The following COMMD10 variants were observed in gnomAD, a reference collection of about 807,000 sequenced individuals.
COMMD10 encodes the protein COMM domain-containing protein 10.
In COMMD10, 33 loss-of-function variants were observed where a neutral mutation model predicts 28.9. The observed-to-expected ratio is 1.14, with a 90% CI of 0.87 to 1.53. The LOEUF (loss-of-function observed/expected upper bound fraction) is 1.53, where lower values mean the gene tolerates loss of function less well. COMMD10 is among the 40% of genes most tolerant of loss of function. The pLI, the probability that COMMD10 is intolerant of heterozygous loss-of-function variation, is 0.00. For missense variants in COMMD10, 310 were observed against 233.4 expected (o/e 1.33, Z -2.14); for synonymous variants, 110 against 81.7 (o/e 1.35, Z -1.87).
chr5:116,105,917 A>C (rs962290215), intron 4 of COMMD10, among the ~76,000 whole-genome samples: 1 of 142,686 alleles, frequency 7.0e-6, no homozygotes, highest in African/African-American at 2.8e-5. Context: ...CAGCTCCTGG[A>C]TTCATTGATT....
intron 5 of COMMD10, among the ~76,000 whole-genome samples, chr5:116,271,430 A>C (rs17139314): frequency 0.073 from 11,043 of 150,988 alleles, 513 homozygotes; most frequent in Admixed American, 0.13. Flanking sequence ...GTGTATTACT[A>C]ATTCTGCTTA....
At chr5:116,168,302 A>C (rs2112576990) in intron 5 of COMMD10, among the ~76,000 whole-genome samples, 1 of 152,282 alleles carries the variant, frequency 6.6e-6, no homozygotes, top group East Asian at 1.9e-4. Flanking sequence ...TTAAATATAT[A>C]TGCACGCAAT....
At chr5:116,117,611 G>T (rs188587922) in intron 4 of COMMD10, among the ~76,000 whole-genome samples, 1 of 151,932 alleles carries the variant, frequency 6.6e-6, no homozygotes, top group African/African-American at 2.4e-5. Flanking sequence ...TTACAGGCAC[G>T]CACCACCACT....
At chr5:116,216,536 G>A (rs187945069) in intron 5 of COMMD10, among the ~76,000 whole-genome samples, 4 of 151,980 alleles carry the variant, frequency 2.6e-5, no homozygotes, top group Admixed American at 6.5e-5. Flanking sequence ...TTTTGTTTTT[G>A]TTGTTTGTTT....
chr5:116,125,562 C>T (rs374718112), intron 4 of COMMD10, among the ~76,000 whole-genome samples: 8 of 151,972 alleles, frequency 5.3e-5, no homozygotes, highest in African/African-American at 1.9e-4. Flanking sequence ...ATCTTTGTGG[C>T]GTTCTCTGTA....
intron 5 of COMMD10, among the ~76,000 whole-genome samples, chr5:116,150,014 A>C (rs1752468446): frequency 6.6e-6 from 1 of 152,150 alleles, no homozygotes; most frequent in African/African-American, 2.4e-5. Context: ...TCTTTAATCC[A>C]TCTTGAATTA....
In COMMD10 at chr5:116,163,050, T is replaced by G. The variant is rs113302564; in HGVS notation, c.510+28872T>G. On this transcript the variant is annotated intron_variant, in intron 5 of 6. Coordinates refer to ENST00000274458, the MANE Select transcript of COMMD10 (RefSeq NM_016144.4). ...CCTGTGGGGCTCCTTACCACTTCTTTAGAGGTTCAGATAAGAAGAGTCTTG... is the reference window on the plus strand; with the variant it reads ...CCTGTGGGGCTCCTTACCACTTCTTGAGAGGTTCAGATAAGAAGAGTCTTG... Among the ~76,000 whole-genome samples the G allele has an allele frequency of 2.0e-3, 301 of 152,140 alleles. 3 individuals carry two copies. Among genetic ancestry groups the G allele is most frequent in the African/African-American group, 6.8e-3 (283 of 41,478 alleles).
At chr5:116,114,451 G>A (rs1751162974) in intron 4 of COMMD10, among the ~76,000 whole-genome samples, 1 of 152,132 alleles carries the variant, frequency 6.6e-6, no homozygotes, top group South Asian at 2.1e-4. Context: ...GGCACTTGCA[G>A]ATAGAAACCA....
intron 5 of COMMD10, among the ~76,000 whole-genome samples, chr5:116,145,663 C>T (rs796697957): frequency 1.3e-5 from 2 of 151,788 alleles, no homozygotes; most frequent in African/African-American, 4.8e-5. Flanking sequence ...CTCACAATCC[C>T]CACAATCCCC....
Position 116,120,746 on chromosome 5 carries a change from G to C in COMMD10, c.400-13322G>C, listed in dbSNP as rs1751402574. 4.7e-5 allele frequency among the ~76,000 whole-genome samples: 3 copies of C among 63,870 alleles called. No homozygotes were observed. In the South Asian group the frequency reaches 1.3e-3, roughly 28 times the overall value. The allele number at this position is 63,870 out of a possible 152,430, so 41.9% of individuals were successfully genotyped here. On this transcript the variant is annotated intron_variant, in intron 4 of 6. Coordinates refer to ENST00000274458, the MANE Select transcript of COMMD10 (RefSeq NM_016144.4). ...ACTGATCATTTTGTTACTTGTATTA[G>C]TACTTTTTTTTTTTTTATTACAGAG...
Position 116,134,156 on chromosome 5 carries a change from G to C in COMMD10, c.488G>C (p.Gly163Ala). 6.2e-7 allele frequency: 1 copy of C among 1,604,354 alleles called. No individual in the cohort carries two copies. Among genetic ancestry groups the C allele is most frequent in the African/African-American group, 1.3e-5 (1 of 74,906 alleles). Residue 163 changes from glycine to alanine, a missense_variant, in exon 5 of 7, where the codon GGA becomes GCA. Gly to Ala is a moderately conservative substitution (Grantham distance 60). Transcript: ENST00000274458. ...LKSPQAVLQL[G>A]VNNEDSKSLE... ...TCTCCTCAAGCTGTGTTACAACTCG[G>C]AGTGAACAATGAAGATTCAAAGGTA...
At chr5:116,087,335 C>G (rs1194714979) in intron 1 of COMMD10, among the ~76,000 whole-genome samples, 162 bp from the exon 2 acceptor site, 1 of 152,190 alleles carries the variant, frequency 6.6e-6, no homozygotes, top group African/African-American at 2.4e-5. Context: ...GGAAATGTAC[C>G]CGTTGCCCTG....
intron 4 of COMMD10, among the ~76,000 whole-genome samples, chr5:116,100,023 C>T (rs1315937121): frequency 1.3e-5 from 2 of 152,112 alleles, no homozygotes; most frequent in Non-Finnish European, 2.9e-5. Context: ...GTTTCAAATA[C>T]ACCTTATATA....
chr5:116,234,972 G>C (rs1221633536), intron 5 of COMMD10, among the ~76,000 whole-genome samples: 1 of 152,148 alleles, frequency 6.6e-6, no homozygotes, highest in Admixed American at 6.5e-5. Context: ...TCATTTTACG[G>C]AAAACCTTCA....
At chr5:116,237,402 G>A (rs562933300) in intron 5 of COMMD10, among the ~76,000 whole-genome samples, 251 of 152,210 alleles carry the variant, frequency 1.6e-3, no homozygotes, top group African/African-American at 5.7e-3. Flanking sequence ...TAAAACAGAT[G>A]TAACATTGCA....
intron 5 of COMMD10, among the ~76,000 whole-genome samples, chr5:116,283,535 C>T (rs1196329803): frequency 5.3e-5 from 8 of 151,424 alleles, no homozygotes; most frequent in African/African-American, 2.0e-4. Flanking sequence ...TTAGTAGAGA[C>T]AGGGTTTCAC....
intron 4 of COMMD10, among the ~76,000 whole-genome samples, chr5:116,108,687 A>T (rs1379233611): frequency 2.6e-5 from 4 of 152,142 alleles, no homozygotes; most frequent in Admixed American, 1.3e-4. Context: ...CCTTTCCAGG[A>T]GAGTGAACGG....
chr5:116,148,851 A>C (rs1752423355), intron 5 of COMMD10, among the ~76,000 whole-genome samples: 2 of 151,450 alleles, frequency 1.3e-5, no homozygotes, highest in Non-Finnish European at 3.0e-5. Flanking sequence ...TTTGTATTTT[A>C]TTATTATTAT....
At chr5:116,094,962 A>G (rs1750420199) in intron 4 of COMMD10, among the ~76,000 whole-genome samples, 1 of 152,192 alleles carries the variant, frequency 6.6e-6, no homozygotes, top group African/African-American at 2.4e-5. Context: ...GAGCTAAACA[A>G]GTTGATGTCA....
Sources: gnomAD v4.1 joint callset for allele counts (sites outside exome capture counted in the v4.1 genomes callset) on GRCh38, gnomAD v4.1.1 for gene constraint, MANE v1.5 for transcripts, NCBI Gene and HGNC (gene_info 2026-07-23, HGNC 2026-07-21) for gene names.